GPBP1: variants seen among roughly 807,000 people sequenced by gnomAD.
GPBP1 encodes GC-rich promoter binding protein 1.
GPBP1 carries 13 observed loss-of-function variants against 56.5 expected under a neutral mutation model. That is an observed-to-expected ratio of 0.23 (90% CI 0.15 to 0.37). The LOEUF (loss-of-function observed/expected upper bound fraction) is 0.37. Among genes scored for constraint, GPBP1 ranks in the 10% least tolerant of loss-of-function variants. The pLI, the probability that GPBP1 is intolerant of heterozygous loss-of-function variation, is 1.00. For missense variants in GPBP1, 477 were observed against 572.3 expected (o/e 0.83, Z 1.70); for synonymous variants, 204 against 188.9 (o/e 1.08, Z -0.66).
At chr5:57,184,677 C>G (rs756379523) in intron 2 of GPBP1, among the ~76,000 whole-genome samples, 23 of 152,156 alleles carry the variant, frequency 1.5e-4, no homozygotes, top group Non-Finnish European at 2.8e-4. Context: ...CAAACTGCAT[C>G]AATGACAAGA....
chr5:57,249,693 C>T, intron 9 of GPBP1, 117 bp downstream of exon 9: 1 of 810,060 alleles, frequency 1.2e-6, no homozygotes, highest in Non-Finnish European at 1.8e-6. Context: ...ACTTGGAAAG[C>T]CATTTGCATA....
At chr5:57,237,449 G>A in intron 6 of GPBP1, 1 of 361,692 alleles carries the variant, frequency 2.8e-6, no homozygotes. Context: ...GTATTAATAT[G>A]AAGATTTTGG....
rs529634316 is a variant in GPBP1, at chr5:57,231,032, T to C, written c.187+63T>C. 28 of 1,582,766 alleles carry C rather than the reference T, an allele frequency of 1.8e-5. No homozygotes were observed. The East Asian group carries it at 6.3e-4, about 35-fold the overall frequency. On this transcript the variant is annotated intron_variant, in intron 4 of 11. Coordinates refer to ENST00000506184, the MANE Select transcript of GPBP1 (RefSeq NM_022913.4). ...TCTTTATGATTTTTAAAGAATGTTT[T>C]GATGTGATTCAATCTTTAAGCTTCT...
chr5:57,231,125 G>C lies in GPBP1; in HGVS notation c.215G>C (p.Gly72Ala). The C allele has an allele frequency of 6.2e-7, 1 of 1,613,606 alleles. No individual in the cohort carries two copies. The highest frequency in any genetic ancestry group is 8.5e-7 in the Non-Finnish European group (1 of 1,179,844). ...AACTTTGGAAGGAAAGAAAAAAATGGATGGCGTACACATGGAAGAAATGGT... is the reference window on the plus strand; with the variant it reads ...AACTTTGGAAGGAAAGAAAAAAATGCATGGCGTACACATGGAAGAAATGGT... ...GGNFGRKEKN[G>A]WRTHGRNGTE... is the part of the protein sequence containing the mutation. The change falls in exon 5 of 12, where the codon GGA becomes GCA. Residue 72 changes from glycine (G) to alanine (A), a missense_variant. Physicochemically the swap from Gly to Ala is moderately conservative, Grantham distance 60 (BLOSUM62 0). Transcript: ENST00000506184.
At chr5:57,192,574 A>G (rs1005845643) in intron 2 of GPBP1, among the ~76,000 whole-genome samples, 13 of 151,754 alleles carry the variant, frequency 8.6e-5, no homozygotes, top group African/African-American at 3.1e-4. Flanking sequence ...ACCAACATGG[A>G]GAAACTCCGT....
intron 8 of GPBP1, among the ~76,000 whole-genome samples, chr5:57,247,441 A>G (rs570744750): frequency 2.0e-5 from 3 of 152,286 alleles, no homozygotes; most frequent in Non-Finnish European, 2.9e-5. Context: ...TATAATCCCA[A>G]CATTTTGGGA....
At chr5:57,185,766 G>C (rs1446023596) in intron 2 of GPBP1, among the ~76,000 whole-genome samples, 3 of 151,986 alleles carry the variant, frequency 2.0e-5, no homozygotes, top group East Asian at 1.9e-4. Flanking sequence ...TTGGGAGGCC[G>C]AGGTGGGCAG....
At chr5:57,242,902 A>G (rs1359899404) in intron 6 of GPBP1, among the ~76,000 whole-genome samples, 2 of 151,578 alleles carry the variant, frequency 1.3e-5, no homozygotes, top group African/African-American at 4.9e-5. Context: ...GAGGCCTGCC[A>G]CCACACCTGG....
chr5:57,188,243 C>A (rs867991487), intron 2 of GPBP1, among the ~76,000 whole-genome samples: 41 of 138,838 alleles, frequency 3.0e-4, no homozygotes, highest in African/African-American at 3.7e-4. Flanking sequence ...GAGACTGTCT[C>A]AAAAAAAAAA....
At position 57,176,188 on chromosome 5, in the gene GPBP1, G is replaced by C. The variant is rs1046462475; in HGVS notation, c.-270G>C. Reference sequence around the variant, plus strand: ...AGAAGACTTTGATCTTAAATCTAAAGAACTTGGCTAATTCGGGAGATAGCC... The same window carrying C: ...AGAAGACTTTGATCTTAAATCTAAACAACTTGGCTAATTCGGGAGATAGCC... On this transcript the variant is annotated 5_prime_UTR_variant, in exon 2 of 12. Transcript: ENST00000506184. 2.3e-5 allele frequency: 9 copies of C among 394,014 alleles called. No individual in the cohort carries two copies. The highest frequency in any genetic ancestry group is 4.0e-5 in the Non-Finnish European group (9 of 223,798). The allele number at this position is 394,014 out of a possible 1,614,324, so 24.4% of individuals were successfully genotyped here.
chr5:57,182,376 G>T (rs1754090516), intron 2 of GPBP1, among the ~76,000 whole-genome samples: 1 of 145,858 alleles, frequency 6.9e-6, no homozygotes, highest in Admixed American at 6.9e-5. Context: ...GAGCTTCTGT[G>T]CCTGGCCTTT....
intron 2 of GPBP1, among the ~76,000 whole-genome samples, chr5:57,182,777 A>C (rs766430321): frequency 6.8e-6 from 1 of 146,088 alleles, no homozygotes; most frequent in African/African-American, 2.5e-5. Flanking sequence ...TCGACCTCCT[A>C]GGCTCAAGCA....
At chr5:57,208,876 A>G (rs1755355149) in intron 2 of GPBP1, among the ~76,000 whole-genome samples, 1 of 151,684 alleles carries the variant, frequency 6.6e-6, no homozygotes, top group African/African-American at 2.4e-5. Context: ...CCTGGTCTCA[A>G]ACTCTTGACC....
chr5:57,253,449 A>T lies in GPBP1; in HGVS notation c.1160+2308A>T, dbSNP rs1179518840. On this transcript the variant is annotated intron_variant, in intron 10 of 11. Transcript: ENST00000506184. Reference sequence around the variant, plus strand: ...TCATTTAATTCTAAGACAGTGGAAAACTGGGTTATATCTCCTCTTGGATAA... The same window carrying T: ...TCATTTAATTCTAAGACAGTGGAAATCTGGGTTATATCTCCTCTTGGATAA... Among the ~76,000 whole-genome samples the T allele has an allele frequency of 5.3e-5, 8 of 152,172 alleles. 1 individual carries two copies.
intron 11 of GPBP1, among the ~76,000 whole-genome samples, chr5:57,262,201 C>T (rs1366095498): frequency 2.6e-5 from 4 of 152,262 alleles, no homozygotes; most frequent in African/African-American, 9.6e-5. Context: ...ATCTTCATCT[C>T]CGGTTAAACG....
intron 2 of GPBP1, among the ~76,000 whole-genome samples, chr5:57,205,957 G>A (rs939812265): frequency 6.6e-6 from 1 of 152,020 alleles, no homozygotes; most frequent in African/African-American, 2.4e-5. Flanking sequence ...TGTAGAGATA[G>A]GGACTCACTG....
At position 57,176,076 on chromosome 5, in the gene GPBP1, T is replaced by C. The variant is rs558900137; in HGVS notation, c.-382T>C. On this transcript the variant is annotated 5_prime_UTR_variant, in exon 2 of 12. Coordinates refer to ENST00000506184, the MANE Select transcript of GPBP1 (RefSeq NM_022913.4). The stretch of plus-strand genomic sequence containing the variant: ...GGAATGCTCTTCAGATGTGAAATTT[T>C]CTTTTTGTTTTTGCTTTTTGGCTCG... 12 of 398,548 alleles carry C rather than the reference T, an allele frequency of 3.0e-5. No homozygotes were observed. The Admixed American group carries it at 5.3e-4, about 18-fold the overall frequency. The allele number at this position is 398,548 out of a possible 1,614,324, so 24.7% of individuals were successfully genotyped here. A position where few individuals can be genotyped will look rare whatever the true frequency, so the allele number is the denominator to read the frequency against.
intron 10 of GPBP1, among the ~76,000 whole-genome samples, chr5:57,251,464 T>C (rs1741383119): frequency 6.6e-6 from 1 of 152,172 alleles, no homozygotes; most frequent in Non-Finnish European, 1.5e-5. Context: ...TCAAGTTTTA[T>C]TTGCATTGTA....
intron 3 of GPBP1, among the ~76,000 whole-genome samples, chr5:57,222,820 AG>A (rs1313767357): frequency 6.6e-6 from 1 of 151,982 alleles, no homozygotes; most frequent in Admixed American, 6.6e-5. Flanking sequence ...TTTTATGGGG[AG>A]GGGGGCAGGT....
Sources: gnomAD v4.1 joint callset for allele counts (sites outside exome capture counted in the v4.1 genomes callset) on GRCh38, gnomAD v4.1.1 for gene constraint, MANE v1.5 for transcripts, NCBI Gene and HGNC (gene_info 2026-07-23, HGNC 2026-07-21) for gene names.